Variants in TRIM48 observed in about 807,000 individuals in gnomAD.
TRIM48 encodes E3 ubiquitin-protein ligase TRIM48.
A neutral mutation model predicts 29.5 loss-of-function variants in TRIM48; 31 were observed. The ratio of observed to expected loss-of-function variants is 1.05; its 90% CI spans 0.79 to 1.42. The LOEUF is 1.42. Among genes scored for constraint, TRIM48 ranks in the 40% most tolerant of loss-of-function variants. The pLI, the probability that TRIM48 is intolerant of heterozygous loss-of-function variation, is 0.00. For synonymous variants in TRIM48, 128 were observed against 90.6 expected, an observed-to-expected ratio of 1.41 and a Z score of -2.34; for missense variants, 344 against 265.0, an observed-to-expected ratio of 1.30 and a Z score of -2.07.
intron 3 of TRIM48, among the ~76,000 whole-genome samples, chr11:55,266,525 C>G (rs1473595401): frequency 6.8e-6 from 1 of 147,272 alleles, no homozygotes; most frequent in Non-Finnish European, 1.5e-5. Flanking sequence ...GGTCAACATG[C>G]AAATATGTGC....
At chr11:55,267,579 A>T in intron 3 of TRIM48, 3 of 1,565,210 alleles carry the variant, frequency 1.9e-6, no homozygotes, top group Non-Finnish European at 1.7e-6. Context: ...GAGATTTTTA[A>T]GAGGAATGTA....
chr11:55,266,439 A>G (rs946717418), intron 3 of TRIM48, among the ~76,000 whole-genome samples: 2 of 147,818 alleles, frequency 1.4e-5, no homozygotes, highest in African/African-American at 4.9e-5. Flanking sequence ...ATTAAATTAG[A>G]AAATTTGCCA....
rs1302830134 is a variant in TRIM48 at position 55,271,006 on chromosome 11, T to C, written c.*571T>C. 3 of 1,494,156 alleles carry C rather than the reference T, an allele frequency of 2.0e-6. No individual in the cohort carries two copies. The highest frequency in any genetic ancestry group is 5.4e-5 in the East Asian group (2 of 37,074). 92.6% of individuals were successfully genotyped at this position (1,494,156 alleles called of 1,614,324 possible). ...TTATCCCAGAAAGCCCTCTTCCTTG[T>C]GCCTTATCAAACAGGACAAATAGGT... On this transcript the variant is annotated 3_prime_UTR_variant, in exon 6 of 6. Coordinates refer to ENST00000417545, the MANE Select transcript of TRIM48 (RefSeq NM_024114.5).
At chr11:55,270,232 T>C (rs1449413513) in intron 5 of TRIM48, among the ~76,000 whole-genome samples, 1 of 148,202 alleles carries the variant, frequency 6.7e-6, no homozygotes, top group Non-Finnish European at 1.5e-5. Context: ...ACATTTTTAA[T>C]ATCTGTGGTT....
At position 55,267,282 on chromosome 11, in the gene TRIM48, G is replaced by A. The variant is rs747732741; in HGVS notation, c.556-1068G>A. On this transcript the variant is annotated intron_variant, in intron 3 of 5. Transcript: ENST00000417545. Reference sequence around the variant, plus strand: ...AAGAAAGGAAAGGAAAAAATTTGTGGATTCTAAGAACTGGCAAGACTGAGG... The same window carrying A: ...AAGAAAGGAAAGGAAAAAATTTGTGAATTCTAAGAACTGGCAAGACTGAGG... 6.0e-5 allele frequency: 69 copies of A among 1,143,416 alleles called. 3 individuals are homozygous for A. The highest frequency in any genetic ancestry group is 7.9e-5 in the Non-Finnish European group (65 of 825,296). The allele number at this position is 1,143,416 out of a possible 1,614,324, so 70.8% of individuals were successfully genotyped here.
chr11:55,265,013 C>T lies in TRIM48; in HGVS notation c.158C>T (p.Pro53Leu), dbSNP rs752745365. 6.3e-7 allele frequency: 1 copy of T among 1,584,388 alleles called. No homozygotes were observed. The change falls in exon 2 of 6, where the codon CCC (proline) becomes CTC (leucine). Residue 53 changes from proline (P) to leucine (L), a missense_variant. Transcript: ENST00000417545. Reference protein sequence around the residue: ...TIDCGHSFCRPCFYLNWQDIP... With the variant: ...TIDCGHSFCRLCFYLNWQDIP... ...GACTGTGGGCACAGCTTTTGCAGGC[C>T]CTGTTTCTACCTCAACTGGCAAGAC...
At chr11:55,265,774 C>T in intron 3 of TRIM48, 79 bp downstream of exon 3, 2 of 990,416 alleles carry the variant, frequency 2.0e-6, no homozygotes, top group Admixed American at 2.7e-5. Flanking sequence ...AACTTGATAT[C>T]AAACCGTAAT....
rs943810909 is a variant in TRIM48 at position 55,265,293 on chromosome 11, G to A, written c.438G>A (p.Glu146=). The part of the protein sequence containing the change: ...EHRYHRHCPA[E]WAAEEHWEKL... The stretch of plus-strand genomic sequence containing the variant: ...GGTATCACAGACACTGTCCCGCTGA[G>A]TGGGCTGCTGAGGAACACTGGGTAA... Residue 146 remains glutamate, a synonymous_variant, in exon 2 of 6, where the codon GAG becomes GAA. Transcript: ENST00000417545. 8 of 1,582,202 alleles carry A rather than the reference G, an allele frequency of 5.1e-6. No homozygotes were observed. In the African/African-American group the frequency reaches 9.5e-5, roughly 19 times the overall value.
intron 4 of TRIM48, among the ~76,000 whole-genome samples, chr11:55,268,828 G>A (rs1394247109): frequency 6.8e-6 from 1 of 147,954 alleles, no homozygotes; most frequent in Non-Finnish European, 1.5e-5. Flanking sequence ...TTTCTAAAAG[G>A]CAGGTCTAGC....
chr11:55,269,312 C>G lies in TRIM48; in HGVS notation c.649C>G (p.Leu217Val), dbSNP rs768373189. Residue 217 changes from leucine to valine, a missense_variant, in exon 5 of 6, where the codon CTG (leucine) becomes GTG (valine). Leu to Val is a conservative substitution (Grantham distance 32). Transcript: ENST00000417545. ...LALRAGPITG[L>V]RDRLNQF ...GCTCAGGGCAGGGCCCATCACTGGA[C>G]TGAGGGACAGGCTCAACCAATTCTG... 1 of 1,575,926 alleles carries G rather than the reference C, an allele frequency of 6.3e-7. No individual in the cohort carries two copies. The highest frequency in any genetic ancestry group is 8.6e-7 in the Non-Finnish European group (1 of 1,166,050).
At chr11:55,269,365 C>T (rs768998136) in intron 5 of TRIM48, 26 bp downstream of exon 5, 4 of 1,565,794 alleles carry the variant, frequency 2.6e-6, no homozygotes, top group Admixed American at 3.4e-5. Context: ...CAGGCAGCAC[C>T]CCCACTATCT....
intron 3 of TRIM48, among the ~76,000 whole-genome samples, 189 bp from the exon 4 acceptor site, chr11:55,268,161 C>T: frequency 6.8e-6 from 1 of 147,230 alleles, no homozygotes; most frequent in South Asian, 2.5e-4. Flanking sequence ...TCAGACTTTC[C>T]CGGGACATTA....
rs377028692 is a variant in TRIM48, at chr11:55,267,641, AC to A, written c.556-708del. ...AACCACATGTGGAGCTACTTCAGGT[AC>A]AAACTCGCAATGTGGTTTCAGGTTT... On this transcript the variant is annotated intron_variant, in intron 3 of 5. Transcript: ENST00000417545. 8.6e-4 allele frequency: 1,352 copies of A among 1,564,852 alleles called. 109 individuals are homozygous for A. In the African/African-American group the frequency reaches 0.017, roughly 20 times the overall value.
In TRIM48 at chr11:55,262,274, C is replaced by T. The variant is rs571193060; in HGVS notation, c.7C>T (p.Arg3Ter). Residue 3 changes from arginine (R) to a stop codon, truncating the protein, a stop_gained, in exon 1 of 6, where the codon CGA becomes TGA. Transcript: ENST00000417545. LOFTEE classifies it high-confidence loss of function. ...AGGAGTACTTAACAGAATTATGTCT[C>T]GAAGAATCATTGTGGGAACCCTTCA... MS[R>*]RIIVGTLQRT... is the part of the protein sequence containing the mutation. 75 of 1,548,664 alleles carry T rather than the reference C, an allele frequency of 4.8e-5. 1 individual carries two copies. In the South Asian group the frequency reaches 5.1e-4, roughly 11 times the overall value.
chr11:55,268,139 T>A (rs61894891), intron 3 of TRIM48, among the ~76,000 whole-genome samples: 6,548 of 147,490 alleles, frequency 0.044, 711 homozygotes, highest in Non-Finnish European at 0.068. Flanking sequence ...TTTTGGAGAA[T>A]GTCTTCAAGA....
At chr11:55,265,371 C>T (rs61894888) in intron 2 of TRIM48, 57 bp downstream of exon 2, 97,638 of 1,574,646 alleles carry the variant, frequency 0.062, 12,162 homozygotes, top group Non-Finnish European at 0.069. Context: ...TTCCTGTGGC[C>T]CTATTTTCTT....
In TRIM48 at chr11:55,265,703, C is replaced by T. The variant is rs1857382055; in HGVS notation, c.555+8C>T. 1 of 1,575,454 alleles carries T rather than the reference C, an allele frequency of 6.3e-7. No homozygotes were observed. Among genetic ancestry groups the T allele is most frequent in the African/African-American group, 1.4e-5 (1 of 72,678 alleles). Reference sequence around the variant, plus strand: ...AGAATCAGCCACTGGAAGGTTAGTCCTGTAATACCCTACCTTCTCCAGGAA... The same window carrying T: ...AGAATCAGCCACTGGAAGGTTAGTCTTGTAATACCCTACCTTCTCCAGGAA... On this transcript the variant is annotated splice_region_variant and intron_variant, in intron 3 of 5. Transcript: ENST00000417545.
In TRIM48 at chr11:55,270,506, G is replaced by C; in HGVS notation, c.*71G>C. 6.3e-7 allele frequency: 1 copy of C among 1,577,026 alleles called. No individual in the cohort carries two copies. The highest frequency in any genetic ancestry group is 1.2e-5 in the South Asian group (1 of 83,216). On this transcript the variant is annotated 3_prime_UTR_variant, in exon 6 of 6. Coordinates refer to ENST00000417545, the MANE Select transcript of TRIM48 (RefSeq NM_024114.5). ...CGATGTGGAGATTTGAGAAGCATTT[G>C]TATTGGATGTGACCGTCAAAATCCG...
rs1347357945 is a variant in TRIM48, at chr11:55,265,380, T to C, written c.459+66T>C. 24 of 1,571,492 alleles carry C rather than the reference T, an allele frequency of 1.5e-5. 2 individuals are homozygous for C. Among genetic ancestry groups the C allele is most frequent in the South Asian group, 6.1e-5 (5 of 81,844 alleles). On this transcript the variant is annotated intron_variant, in intron 2 of 5. Coordinates refer to ENST00000417545, the MANE Select transcript of TRIM48 (RefSeq NM_024114.5). ...ATGAAATTCCTGTGGCCCTATTTTCTTGGAGATTGGGTAAAGCCAACTCTG... is the reference window on the plus strand; with the variant it reads ...ATGAAATTCCTGTGGCCCTATTTTCCTGGAGATTGGGTAAAGCCAACTCTG...
Sources: allele counts gnomAD v4.1 joint callset (sites outside exome capture counted in the v4.1 genomes callset), GRCh38; gene constraint gnomAD v4.1.1; transcripts MANE v1.5; gene names NCBI Gene and HGNC (gene_info 2026-07-23, HGNC 2026-07-21).